The following MYOF variants were observed in gnomAD, a reference collection of about 807,000 sequenced individuals.
The protein encoded by MYOF is myoferlin, also known as fer-1-like 3, myoferlin.
Under a neutral mutation model 284.2 loss-of-function variants are expected in MYOF, and 244 were observed. That is an observed-to-expected ratio of 0.86 (90% confidence interval 0.77 to 0.95). MYOF has a LOEUF of 0.95. MYOF is among the 40% of genes least tolerant of loss of function. The pLI, the probability that MYOF is intolerant of heterozygous loss-of-function variation, is 0.00. For missense variants in MYOF, 2,496 were observed against 2,560.6 expected, an observed-to-expected ratio of 0.97 and a Z score of 0.54; for synonymous variants, 904 against 919.7, an observed-to-expected ratio of 0.98 and a Z score of 0.31.
intron 1 of MYOF, among the ~76,000 whole-genome samples, chr10:93,468,384 A>G (rs1165592065): frequency 6.6e-6 from 1 of 152,226 alleles, no homozygotes; most frequent in Non-Finnish European, 1.5e-5. Context: ...GCAAGGATCA[A>G]ATGAGAAAGC....
chr10:93,422,803 T>A (rs966871699), intron 5 of MYOF, among the ~76,000 whole-genome samples: 1 of 151,620 alleles, frequency 6.6e-6, no homozygotes, highest in Non-Finnish European at 1.5e-5. Context: ...CTCAAAAAAA[T>A]AAAATAAAAT....
chr10:93,388,715 C>A (rs1056198072), intron 18 of MYOF, among the ~76,000 whole-genome samples: 1 of 152,186 alleles, frequency 6.6e-6, no homozygotes, highest in Non-Finnish European at 1.5e-5. Flanking sequence ...TTTCAGGGTG[C>A]ATGCCACTGC....
At chr10:93,328,955 A>C in intron 44 of MYOF, 44 bp from the exon 45 acceptor site, 1 of 1,560,766 alleles carries the variant, frequency 6.4e-7, no homozygotes, top group Non-Finnish European at 8.7e-7. Flanking sequence ...AGGAGCCTGC[A>C]GGTTCTTCTC....
intron 1 of MYOF, among the ~76,000 whole-genome samples, chr10:93,461,521 T>C (rs1264497386): frequency 6.6e-6 from 1 of 152,158 alleles, no homozygotes; most frequent in Non-Finnish European, 1.5e-5. Flanking sequence ...GCACAGAAGA[T>C]GCAGAGGCTG....
rs542743725 is a variant in MYOF, at chr10:93,322,160, A to G, written c.5456+918T>C. Reference sequence around the variant, plus strand: ...ATAGTGAACCTAAATGATACTAATTATATCTTTAACAAAGTTTTGATTGAA... The same window carrying G: ...ATAGTGAACCTAAATGATACTAATTGTATCTTTAACAAAGTTTTGATTGAA... On this transcript the variant is annotated intron_variant, in intron 48 of 53. Coordinates refer to ENST00000359263, the MANE Select transcript of MYOF (RefSeq NM_013451.4). Among the ~76,000 whole-genome samples, 215 of 152,382 alleles carry G rather than the reference A, an allele frequency of 1.4e-3. 5 individuals are homozygous for G. The South Asian group carries it at 0.023, about 16-fold the overall frequency.
chr10:93,431,274 C>T (rs1848853214), intron 4 of MYOF, 134 bp downstream of exon 4: 3 of 618,186 alleles, frequency 4.9e-6, no homozygotes, highest in Non-Finnish European at 8.3e-6. Context: ...GGTGATCCAC[C>T]CAAAAGTGCT....
At position 93,351,048 on chromosome 10, in the gene MYOF, C is replaced by T. The variant is rs545161499; in HGVS notation, c.3921+149G>A. ...GTTGCTTCAACAAGCCTTCTACTCCCATGAATACCTCCAGTTTTTGGACAA... is the reference window on the plus strand; with the variant it reads ...GTTGCTTCAACAAGCCTTCTACTCCTATGAATACCTCCAGTTTTTGGACAA... On this transcript the variant is annotated intron_variant, in intron 35 of 53. Coordinates refer to ENST00000359263, the MANE Select transcript of MYOF (RefSeq NM_013451.4). 1,411 of 811,270 alleles carry T rather than the reference C, an allele frequency of 1.7e-3. 1 individual carries two copies. The highest frequency in any genetic ancestry group is 2.5e-3 in the Non-Finnish European group (1,249 of 497,386). 50.3% of individuals were successfully genotyped at this position (811,270 alleles called of 1,614,324 possible). A position where few individuals can be genotyped will look rare whatever the true frequency, so the allele number is the denominator to read the frequency against.
chr10:93,373,076 T>C lies in MYOF; in HGVS notation c.2311A>G (p.Ser771Gly), dbSNP rs766869590. Residue 771 changes from serine to glycine, a missense_variant, in exon 24 of 54, where the codon AGC (serine) becomes GGC (glycine). By Grantham distance (56) the Ser-to-Gly change is moderately conservative (BLOSUM62 0). Coordinates refer to ENST00000359263, the MANE Select transcript of MYOF (RefSeq NM_013451.4). ...ATCCAGATGATGATGTCAGGCATGC[T>C]GTTCTGTGGCTGGTCATGAGGATTG... is the stretch of plus-strand genomic sequence containing the variant. Reference protein sequence around the residue: ...LMQLTEEPQNSMPDIIIWMIR... With the variant: ...LMQLTEEPQNGMPDIIIWMIR... 1.9e-6 allele frequency: 3 copies of C among 1,614,200 alleles called. No individual in the cohort carries two copies. In the East Asian group the frequency reaches 6.7e-5, roughly 36 times the overall value.
chr10:93,353,149 G>A (rs1053389986), intron 32 of MYOF, among the ~76,000 whole-genome samples: 3 of 152,142 alleles, frequency 2.0e-5, no homozygotes, highest in African/African-American at 7.2e-5. Context: ...TCCCAAACTG[G>A]AATTCTCCCC....
At chr10:93,377,255 T>C in intron 22 of MYOF, 68 bp downstream of exon 22, 2 of 1,104,012 alleles carry the variant, frequency 1.8e-6, no homozygotes, top group Admixed American at 1.8e-5. Flanking sequence ...CCACAGGATT[T>C]ACAGTCTTAG....
chr10:93,313,215 C>T lies in MYOF; in HGVS notation c.5699-5G>A, dbSNP rs751672361. 1.9e-6 allele frequency: 3 copies of T among 1,610,862 alleles called. No individual in the cohort carries two copies. The African/African-American group carries it at 4.0e-5, about 22-fold the overall frequency. ...GCAAGTCAAGTTCTAGGAAACCTAG[C>T]CAAGGAAACAACAGTAAGTCCAAAT... On this transcript the variant is annotated splice_polypyrimidine_tract_variant and splice_region_variant and intron_variant, in intron 50 of 53. Coordinates refer to ENST00000359263, the MANE Select transcript of MYOF (RefSeq NM_013451.4).
At chr10:93,374,707 T>A in intron 23 of MYOF, 56 bp downstream of exon 23, 1 of 1,543,278 alleles carries the variant, frequency 6.5e-7, no homozygotes, top group African/African-American at 1.4e-5. Flanking sequence ...CTTGGTGCCA[T>A]TTCGCAGAGC....
intron 3 of MYOF, among the ~76,000 whole-genome samples, chr10:93,446,077 T>TG (rs1206799806): frequency 1.3e-5 from 2 of 151,788 alleles, no homozygotes; most frequent in African/African-American, 4.8e-5. Context: ...GGTTAGTTGG[T>TG]GGAAACTAAG....
chr10:93,346,526 C>A (rs1844191318), intron 37 of MYOF, among the ~76,000 whole-genome samples: 1 of 152,240 alleles, frequency 6.6e-6, no homozygotes, highest in Non-Finnish European at 1.5e-5. Context: ...AAGCTAAAAG[C>A]AAGTAACTAT....
chr10:93,479,635 AT>A (rs2057346219), intron 1 of MYOF, among the ~76,000 whole-genome samples: 1 of 152,210 alleles, frequency 6.6e-6, no homozygotes, highest in Non-Finnish European at 1.5e-5. Flanking sequence ...GACGGAAGGC[AT>A]CTAAAGACCA....
chr10:93,464,030 C>A (rs960500720), intron 1 of MYOF, among the ~76,000 whole-genome samples: 1 of 152,056 alleles, frequency 6.6e-6, no homozygotes, highest in Non-Finnish European at 1.5e-5. Context: ...ATGTTGCTGT[C>A]GAGGTATTTT....
chr10:93,318,594 A>C (rs1448685830), intron 49 of MYOF, among the ~76,000 whole-genome samples: 1 of 152,010 alleles, frequency 6.6e-6, no homozygotes, highest in Non-Finnish European at 1.5e-5. Flanking sequence ...CCCCGTCTCT[A>C]CTAAAAGTAC....
intron 3 of MYOF, among the ~76,000 whole-genome samples, chr10:93,437,634 CTG>C (rs1239989036): frequency 6.6e-6 from 1 of 152,232 alleles, no homozygotes; most frequent in Non-Finnish European, 1.5e-5. Flanking sequence ...CCCAACCTGA[CTG>C]GGGACAAACA....
chr10:93,441,997 A>ACACAC (rs2056277239), intron 3 of MYOF, among the ~76,000 whole-genome samples: 1 of 132,972 alleles, frequency 7.5e-6, no homozygotes, highest in African/African-American at 2.9e-5. Flanking sequence ...CCTCAACCTG[A>ACACAC]ACACACACAC....
Sources: gnomAD v4.1 joint callset for allele counts (sites outside exome capture counted in the v4.1 genomes callset) on GRCh38, gnomAD v4.1.1 for gene constraint, MANE v1.5 for transcripts, NCBI Gene and HGNC (gene_info 2026-07-23, HGNC 2026-07-21) for gene names.